The following PTPRB variants were observed in gnomAD, a reference collection of about 807,000 sequenced individuals.
PTPRB encodes protein tyrosine phosphatase receptor type B, also known as receptor-type tyrosine-protein phosphatase beta.
In PTPRB, 97 loss-of-function variants were observed where a neutral mutation model predicts 238.1. That is an observed-to-expected ratio of 0.41 (90% CI 0.35 to 0.48). The LOEUF (loss-of-function observed/expected upper bound fraction) is 0.48. Ranked by LOEUF, PTPRB falls within the 20% of genes least tolerant of loss-of-function variation. The pLI is 0.30. For synonymous variants in PTPRB, 970 were observed against 995.4 expected (o/e 0.97, Z 0.48); for missense variants, 2,292 against 2,681.9 (o/e 0.85, Z 3.21).
intron 3 of PTPRB, 40 bp from the exon 4 acceptor site, chr12:70,609,379 T>C (rs746901625): frequency 1.9e-6 from 3 of 1,597,422 alleles, no homozygotes; most frequent in Middle Eastern, 1.9e-4. Context: ...GTCCACAGTC[T>C]GGACTGCTCA....
intron 21 of PTPRB, 98 bp downstream of exon 21, chr12:70,552,679 T>C (rs767763137): frequency 1.9e-4 from 275 of 1,447,970 alleles, no homozygotes; most frequent in Non-Finnish European, 2.4e-4. Flanking sequence ...ACGTAGGTTA[T>C]TAATCTATGG....
chr12:70,576,565 C>A lies in PTPRB; in HGVS notation c.2659G>T (p.Gly887Ter). ...GTTACCTCATAGTTATCCACATCTC[C>A]GGGCGCCAGCAGCCAGGAAACGCTG... The part of the protein sequence containing the change: ...YLSVSWLLAP[G>*]DVDNYEVTLS... The change falls in exon 11 of 34, where the codon GGA becomes TGA. Residue 887 changes from glycine (G) to a stop codon, truncating the protein, a stop_gained. Transcript: ENST00000334414. LOFTEE classifies it high-confidence loss of function. 1.3e-6 allele frequency: 2 copies of A among 1,552,424 alleles called. No individual in the cohort carries two copies. Among genetic ancestry groups the A allele is most frequent in the Non-Finnish European group, 1.7e-6 (2 of 1,147,708 alleles).
chr12:70,615,366 T>C (rs1884631332), intron 3 of PTPRB, among the ~76,000 whole-genome samples: 1 of 152,134 alleles, frequency 6.6e-6, no homozygotes. Context: ...TTTAAAATAC[T>C]GCAAGGGAGG....
rs575263990 is a variant in PTPRB at position 70,569,323 on chromosome 12, C to T, written c.3634+352G>A. 1.9e-3 allele frequency among the ~76,000 whole-genome samples: 293 copies of T among 152,176 alleles called. 2 individuals are homozygous for T. The highest frequency in any genetic ancestry group is 6.7e-3 in the African/African-American group (277 of 41,532). ...TTAGCTATGTTGCCCAGGCTAGTCTCGAACTCCTGAACTCAAGCAATCTAC... is the reference window on the plus strand; with the variant it reads ...TTAGCTATGTTGCCCAGGCTAGTCTTGAACTCCTGAACTCAAGCAATCTAC... On this transcript the variant is annotated intron_variant, in intron 14 of 33. Transcript: ENST00000334414.
intron 11 of PTPRB, among the ~76,000 whole-genome samples, chr12:70,574,128 G>C (rs1880428183): frequency 6.6e-6 from 1 of 152,144 alleles, no homozygotes; most frequent in African/African-American, 2.4e-5. Flanking sequence ...ATACTAGCAT[G>C]TCCTCTGTAT....
intron 4 of PTPRB, among the ~76,000 whole-genome samples, chr12:70,598,097 G>C (rs988553969): frequency 6.6e-6 from 1 of 152,172 alleles, no homozygotes; most frequent in Admixed American, 6.5e-5. Context: ...AGGTTGCATG[G>C]TTCACACCAC....
At chr12:70,559,678 T>C (rs1479380264) in intron 17 of PTPRB, 54 bp from the exon 18 acceptor site, 17 of 1,478,578 alleles carry the variant, frequency 1.1e-5, no homozygotes, top group Middle Eastern at 1.7e-4. Flanking sequence ...CCATAACATA[T>C]ACAAATAAGA....
At chr12:70,537,927 A>G (rs1314419673) in intron 28 of PTPRB, 1 of 450,414 alleles carries the variant, frequency 2.2e-6, no homozygotes, top group African/African-American at 2.0e-5. Context: ...ATCTATGAAA[A>G]TGCATCTTGG....
At chr12:70,530,301 G>GT (rs1330241914) in intron 32 of PTPRB, among the ~76,000 whole-genome samples, 1 of 152,114 alleles carries the variant, frequency 6.6e-6, no homozygotes, top group Non-Finnish European at 1.5e-5. Flanking sequence ...TGTGGTCATA[G>GT]TTTTAAAGAG....
chr12:70,544,700 T>G, intron 21 of PTPRB, 37 bp from the exon 22 acceptor site: 1 of 1,413,266 alleles, frequency 7.1e-7, no homozygotes, highest in Non-Finnish European at 9.5e-7. Context: ...TATAAATTAG[T>G]TGTTGAACAC....
intron 4 of PTPRB, among the ~76,000 whole-genome samples, chr12:70,602,767 CCT>C: frequency 1.3e-5 from 2 of 152,080 alleles, no homozygotes; most frequent in East Asian, 3.9e-4. Context: ...CCTTTTTTAC[CCT>C]TTTAGGTACT....
chr12:70,539,155 G>T, intron 26 of PTPRB, 141 bp from the exon 27 acceptor site: 2 of 689,386 alleles, frequency 2.9e-6, no homozygotes, highest in Non-Finnish European at 5.0e-6. Flanking sequence ...ACATGCATTA[G>T]CCCTGATCCC....
At chr12:70,596,653 C>G (rs1169574857) in intron 4 of PTPRB, among the ~76,000 whole-genome samples, 1 of 152,070 alleles carries the variant, frequency 6.6e-6, no homozygotes, top group Non-Finnish European at 1.5e-5. Context: ...TGCAGTTTAG[C>G]AACTTTTTCA....
intron 3 of PTPRB, among the ~76,000 whole-genome samples, chr12:70,618,160 C>T (rs879615637): frequency 2.6e-5 from 4 of 152,200 alleles, no homozygotes; most frequent in Non-Finnish European, 4.4e-5. Context: ...AGTGCAGGGG[C>T]ATGATCACAG....
intron 32 of PTPRB, chr12:70,527,699 T>G (rs1415491784): frequency 1.3e-5 from 2 of 152,230 alleles, no homozygotes; most frequent in Non-Finnish European, 2.9e-5. Flanking sequence ...TGGAAACTTG[T>G]GAAGACCTGC....
chr12:70,544,018 C>T (rs1325111717), intron 22 of PTPRB, among the ~76,000 whole-genome samples: 3 of 152,218 alleles, frequency 2.0e-5, no homozygotes, highest in Non-Finnish European at 4.4e-5. Flanking sequence ...CCCTCTAACA[C>T]ACTAGAGAAG....
At chr12:70,600,315 C>T (rs919686214) in intron 4 of PTPRB, among the ~76,000 whole-genome samples, 4 of 152,272 alleles carry the variant, frequency 2.6e-5, no homozygotes, top group East Asian at 3.9e-4. Flanking sequence ...ATGACTCACT[C>T]GTGTTGTATA....
At chr12:70,584,662 G>T (rs1256509467) in intron 9 of PTPRB, among the ~76,000 whole-genome samples, 6 of 152,050 alleles carry the variant, frequency 3.9e-5, no homozygotes, top group Non-Finnish European at 7.4e-5. Flanking sequence ...TCAAGACCGA[G>T]AGCTATATAA....
rs750505439 is a variant in PTPRB at position 70,592,448 on chromosome 12, G to A, written c.1614C>T (p.Tyr538=). The change falls in exon 7 of 34, where the codon TAC becomes TAT. Residue 538 remains tyrosine, a synonymous_variant. Transcript: ENST00000334414. ...TCCCTTTGTGAGACAGGGTGATATTGTAAGAATCCACATTTCCAGGAGGTC... is the reference window on the plus strand; with the variant it reads ...TCCCTTTGTGAGACAGGGTGATATTATAAGAATCCACATTTCCAGGAGGTC... ...WQRPPGNVDS[Y]NITLSHKGTI... The A allele has an allele frequency of 1.6e-5, 26 of 1,613,808 alleles. No individual in the cohort carries two copies. In the East Asian group the frequency reaches 5.8e-4, roughly 36 times the overall value.
Sources: allele counts gnomAD v4.1 joint callset (sites outside exome capture counted in the v4.1 genomes callset), GRCh38; gene constraint gnomAD v4.1.1; transcripts MANE v1.5; gene names NCBI Gene and HGNC (gene_info 2026-07-23, HGNC 2026-07-21).